Variants in SLC35F4 observed in about 807,000 individuals in gnomAD.
The protein encoded by SLC35F4 is chromosome 14 open reading frame 36.
A neutral mutation model predicts 44.2 loss-of-function variants in SLC35F4; 24 were observed. That is an observed-to-expected ratio of 0.54 (90% CI 0.39 to 0.76). The LOEUF (loss-of-function observed/expected upper bound fraction) is 0.76. Ranked by LOEUF, SLC35F4 falls within the 30% of genes least tolerant of loss-of-function variation. SLC35F4 has a pLI of 0.00. For missense variants in SLC35F4, 562 were observed against 586.1 expected, an observed-to-expected ratio of 0.96 and a Z score of 0.42; for synonymous variants, 238 against 223.6, an observed-to-expected ratio of 1.06 and a Z score of -0.57.
intron 1 of SLC35F4, among the ~76,000 whole-genome samples, chr14:57,884,470 C>A (rs1888605852): frequency 6.6e-6 from 1 of 152,102 alleles, no homozygotes; most frequent in Non-Finnish European, 1.5e-5. Flanking sequence ...TATTTCGTTT[C>A]TTTTTCATTC....
intron 1 of SLC35F4, among the ~76,000 whole-genome samples, chr14:57,661,286 T>G (rs937198544): frequency 2.6e-5 from 4 of 152,142 alleles, no homozygotes; most frequent in Non-Finnish European, 5.9e-5. Flanking sequence ...GGGACAGCAT[T>G]GAACAGGAAC....
At chr14:57,795,377 C>A (rs190784576) in intron 1 of SLC35F4, among the ~76,000 whole-genome samples, 1 of 152,268 alleles carries the variant, frequency 6.6e-6, no homozygotes, top group African/African-American at 2.4e-5. Context: ...TATTTAGGAA[C>A]CATTCACTAA....
chr14:57,706,343 G>C (rs1161186533), intron 1 of SLC35F4, among the ~76,000 whole-genome samples: 1 of 152,108 alleles, frequency 6.6e-6, no homozygotes, highest in Non-Finnish European at 1.5e-5. Context: ...GAATTCTATA[G>C]GAAAAAGCTG....
At chr14:57,710,063 G>A (rs986289919) in intron 1 of SLC35F4, among the ~76,000 whole-genome samples, 1 of 152,204 alleles carries the variant, frequency 6.6e-6, no homozygotes, top group East Asian at 1.9e-4. Context: ...GACCTTTAGA[G>A]CAGGCCCTCC....
intron 5 of SLC35F4, among the ~76,000 whole-genome samples, chr14:57,570,606 G>T (rs982040265): frequency 6.6e-6 from 1 of 152,184 alleles, no homozygotes; most frequent in African/African-American, 2.4e-5. Context: ...TACAGAGAAA[G>T]CCAGGGGTAT....
chr14:57,691,228 A>T (rs978946840), intron 1 of SLC35F4, among the ~76,000 whole-genome samples: 2 of 152,196 alleles, frequency 1.3e-5, no homozygotes, highest in Admixed American at 1.3e-4. Flanking sequence ...ACTTTCTGCC[A>T]ACCAGCTTTT....
chr14:57,640,088 T>C (rs1481557589), intron 1 of SLC35F4, among the ~76,000 whole-genome samples: 1 of 151,982 alleles, frequency 6.6e-6, no homozygotes, highest in Non-Finnish European at 1.5e-5. Context: ...AATGACCTGG[T>C]CCCTAATCTA....
intron 1 of SLC35F4, among the ~76,000 whole-genome samples, chr14:57,981,588 G>T (rs1180297756): frequency 6.6e-6 from 1 of 152,136 alleles, no homozygotes; most frequent in Non-Finnish European, 1.5e-5. Context: ...AGCTAAGGAG[G>T]AATGTTGTAA....
At chr14:57,915,700 T>C (rs142051919) in intron 1 of SLC35F4, among the ~76,000 whole-genome samples, 2,983 of 152,346 alleles carry the variant, frequency 0.02, 54 homozygotes, top group Middle Eastern at 0.034. Flanking sequence ...GAGTGTTCAG[T>C]ACCTTGTTCC....
At chr14:57,691,511 C>T (rs967817097) in intron 1 of SLC35F4, among the ~76,000 whole-genome samples, 3 of 152,082 alleles carry the variant, frequency 2.0e-5, no homozygotes, top group African/African-American at 7.2e-5. Context: ...GTGAATAAAT[C>T]AACAGAATAA....
At chr14:57,600,373 A>G (rs1264798593) in intron 1 of SLC35F4, among the ~76,000 whole-genome samples, 2 of 152,096 alleles carry the variant, frequency 1.3e-5, no homozygotes, top group Non-Finnish European at 2.9e-5. Context: ...TTAATCTGTC[A>G]TTTTTTCTTA....
chr14:57,607,804 T>TG (rs1180957735), intron 1 of SLC35F4, among the ~76,000 whole-genome samples: 6 of 152,164 alleles, frequency 3.9e-5, no homozygotes, highest in African/African-American at 1.4e-4. Context: ...AAAGTGGCCT[T>TG]GAAGAGGTGG....
At chr14:57,616,936 T>C (rs115892958) in intron 1 of SLC35F4, among the ~76,000 whole-genome samples, 1 of 151,818 alleles carries the variant, frequency 6.6e-6, no homozygotes, top group African/African-American at 2.4e-5. Flanking sequence ...AAGTCCCCCT[T>C]CCTCTCAATC....
intron 1 of SLC35F4, among the ~76,000 whole-genome samples, chr14:57,698,586 C>A (rs2075447305): frequency 1.3e-5 from 2 of 151,358 alleles, no homozygotes; most frequent in Non-Finnish European, 1.5e-5. Context: ...GGTTAAGTTT[C>A]AAAGAGCTAC....
intron 1 of SLC35F4, among the ~76,000 whole-genome samples, chr14:57,825,509 G>A (rs557581392): frequency 7.2e-5 from 11 of 152,070 alleles, no homozygotes; most frequent in Non-Finnish European, 1.5e-4. Flanking sequence ...GCTTCTTAGA[G>A]CTGATCAATT....
intron 1 of SLC35F4, among the ~76,000 whole-genome samples, chr14:57,675,761 A>G (rs62004038): frequency 0.061 from 9,272 of 152,138 alleles, 428 homozygotes; most frequent in South Asian, 0.096. Flanking sequence ...ATCTGCACCT[A>G]TTGAGATGAT....
downstream of SLC35F4, among the ~76,000 whole-genome samples, chr14:57,974,560 A>G (rs765592696): frequency 1.4e-4 from 21 of 152,190 alleles, no homozygotes; most frequent in Non-Finnish European, 2.5e-4. Context: ...TCCAAGGGAA[A>G]GATAAATGAG....
intron 1 of SLC35F4, among the ~76,000 whole-genome samples, chr14:57,851,631 T>A (rs1168925232): frequency 6.6e-6 from 1 of 152,212 alleles, no homozygotes; most frequent in Non-Finnish European, 1.5e-5. Context: ...CCTATAAAAT[T>A]GAACTTTTCA....
At chr14:57,615,196 C>A (rs774534220) in intron 1 of SLC35F4, among the ~76,000 whole-genome samples, 1 of 152,140 alleles carries the variant, frequency 6.6e-6, no homozygotes, top group South Asian at 2.1e-4. Flanking sequence ...TCCTAAGCAT[C>A]GCCATGACAA....
Sources: allele counts gnomAD v4.1 joint callset (sites outside exome capture counted in the v4.1 genomes callset), GRCh38; gene constraint gnomAD v4.1.1; transcripts MANE v1.5; gene names NCBI Gene and HGNC (gene_info 2026-07-23, HGNC 2026-07-21).